The following PARD3B variants were observed in gnomAD, a reference collection of about 807,000 sequenced individuals.
PARD3B encodes the protein par-3 family cell polarity regulator beta.
In PARD3B, 103 loss-of-function variants were observed where a neutral mutation model predicts 130.2. That is an observed-to-expected ratio of 0.79 (90% CI 0.67 to 0.93). PARD3B has a LOEUF of 0.93. Ranked by LOEUF, PARD3B falls within the 40% of genes least tolerant of loss-of-function variation. The probability of loss-of-function intolerance (pLI) is 0.00; values close to 1 mark genes in which losing one functional copy is unlikely to be tolerated. For synonymous variants in PARD3B, 583 were observed against 553.2 expected (o/e 1.05, Z -0.76); for missense variants, 1,609 against 1,499.2 (o/e 1.07, Z -1.21).
chr2:204,954,183 G>A (rs1690042674), intron 2 of PARD3B, among the ~76,000 whole-genome samples: 1 of 152,170 alleles, frequency 6.6e-6, no homozygotes, highest in South Asian at 2.1e-4. Context: ...AGAAGCTAAA[G>A]GAAAAGGTTA....
At chr2:205,224,379 A>AAAAAAAAG (rs1264763454) in intron 15 of PARD3B, among the ~76,000 whole-genome samples, 3 of 148,802 alleles carry the variant, frequency 2.0e-5, no homozygotes, top group Non-Finnish European at 4.5e-5. Context: ...TCAAAAAAAA[A>AAAAAAAAG]AAAAAAAAAG....
intron 2 of PARD3B, among the ~76,000 whole-genome samples, chr2:204,698,099 C>T (rs1455867170): frequency 1.3e-5 from 2 of 152,088 alleles, no homozygotes; most frequent in Admixed American, 6.6e-5. Context: ...CAAGACCCTC[C>T]TAACTTGGAA....
chr2:205,103,056 CA>C (rs1014631275), intron 4 of PARD3B, among the ~76,000 whole-genome samples: 2 of 144,806 alleles, frequency 1.4e-5, no homozygotes, highest in Non-Finnish European at 3.0e-5. Flanking sequence ...CGACAGAGCT[CA>C]AAAAAAATAA....
chr2:205,245,522 G>T (rs905731292), intron 15 of PARD3B, among the ~76,000 whole-genome samples: 10 of 152,036 alleles, frequency 6.6e-5, no homozygotes, highest in Non-Finnish European at 1.0e-4. Flanking sequence ...TAAAATAACT[G>T]AAAGTATTGA....
chr2:205,165,126 T>C (rs2034731216), intron 11 of PARD3B, among the ~76,000 whole-genome samples: 1 of 152,178 alleles, frequency 6.6e-6, no homozygotes, highest in African/African-American at 2.4e-5. Context: ...AATTCATATA[T>C]AACATATATG....
intron 20 of PARD3B, among the ~76,000 whole-genome samples, chr2:205,469,524 T>C (rs1366010337): frequency 6.6e-6 from 1 of 152,156 alleles, no homozygotes; most frequent in Non-Finnish European, 1.5e-5. Context: ...AGGTGACTTT[T>C]TCACCCCATC....
intron 4 of PARD3B, among the ~76,000 whole-genome samples, chr2:205,100,609 C>T (rs1039771899): frequency 6.6e-6 from 1 of 152,066 alleles, no homozygotes; most frequent in Non-Finnish European, 1.5e-5. Context: ...CAATAATTGA[C>T]TGTGTCGTAC....
rs1018750817 is a variant in PARD3B, at chr2:205,183,371, G to A, written c.1925-2393G>A. ...TGTGGAAGATGGACTGAGAGGTTGA[G>A]GATAGAAGATGAGAGCCAACAGAAA... On this transcript the variant is annotated intron_variant, in intron 13 of 22. Coordinates refer to ENST00000406610, the MANE Select transcript of PARD3B (RefSeq NM_001302769.2). The surrounding 1 kb of genome is among the most constrained non-coding windows in gnomAD (Gnocchi z 5.2). Among the ~76,000 whole-genome samples the A allele has an allele frequency of 2.0e-5, 3 of 152,114 alleles. No homozygotes were observed. The highest frequency in any genetic ancestry group is 7.2e-5 in the African/African-American group (3 of 41,440).
intron 18 of PARD3B, among the ~76,000 whole-genome samples, chr2:205,391,121 C>A (rs745808456): frequency 3.9e-5 from 6 of 152,220 alleles, no homozygotes; most frequent in Admixed American, 2.0e-4. Flanking sequence ...GTCAAACGGG[C>A]AACCTCCCAC....
chr2:205,379,497 A>G (rs1307456135), intron 18 of PARD3B, among the ~76,000 whole-genome samples: 1 of 152,154 alleles, frequency 6.6e-6, no homozygotes, highest in Non-Finnish European at 1.5e-5. Flanking sequence ...AAAAAAGCAA[A>G]CATAGACTCT....
At chr2:205,219,178 C>T (rs1192810640) in intron 15 of PARD3B, among the ~76,000 whole-genome samples, 1 of 151,922 alleles carries the variant, frequency 6.6e-6, no homozygotes, top group East Asian at 1.9e-4. Context: ...CAACTTTGTT[C>T]GAGATTCTTA....
chr2:205,515,105 C>A (rs976040932), intron 21 of PARD3B, among the ~76,000 whole-genome samples: 1 of 152,066 alleles, frequency 6.6e-6, no homozygotes, highest in Admixed American at 6.6e-5. Flanking sequence ...GTTTTCTGTT[C>A]CTGCATTAGT....
At chr2:205,496,483 C>T (rs2049930324) in intron 20 of PARD3B, among the ~76,000 whole-genome samples, 3 of 152,176 alleles carry the variant, frequency 2.0e-5, no homozygotes, top group South Asian at 2.1e-4. Context: ...AAAATATTCA[C>T]ACAAGGGAGA....
chr2:205,120,694 G>A (rs2030592272), intron 7 of PARD3B, among the ~76,000 whole-genome samples: 1 of 152,178 alleles, frequency 6.6e-6, no homozygotes, highest in African/African-American at 2.4e-5. Flanking sequence ...TCCTTCAGTG[G>A]AAAAATGGGC....
intron 2 of PARD3B, among the ~76,000 whole-genome samples, chr2:204,953,907 C>G (rs372445248): frequency 6.6e-6 from 1 of 151,340 alleles, no homozygotes; most frequent in African/African-American, 2.4e-5. Context: ...AAAACTAACT[C>G]GCAAAGACTG....
At chr2:205,130,550 T>C (rs1388857430) in intron 10 of PARD3B, among the ~76,000 whole-genome samples, 1 of 152,190 alleles carries the variant, frequency 6.6e-6, no homozygotes, top group Non-Finnish European at 1.5e-5. Flanking sequence ...TATGTGCATG[T>C]CTTCTTTTTT....
intron 21 of PARD3B, among the ~76,000 whole-genome samples, chr2:205,517,079 A>G (rs2106385711): frequency 6.6e-6 from 1 of 152,240 alleles, no homozygotes; most frequent in African/African-American, 2.4e-5. Flanking sequence ...ATTGATTTTC[A>G]TACGTCGAAT....
chr2:205,185,527 T>A (rs2036046457), intron 13 of PARD3B, among the ~76,000 whole-genome samples: 1 of 151,984 alleles, frequency 6.6e-6, no homozygotes, highest in Non-Finnish European at 1.5e-5. Context: ...GTGGAGTGGG[T>A]TTGCTAGGGG....
chr2:205,136,269 C>T (rs1480908068), intron 10 of PARD3B, among the ~76,000 whole-genome samples: 1 of 152,152 alleles, frequency 6.6e-6, no homozygotes, highest in Non-Finnish European at 1.5e-5. Context: ...TCTGACCTCC[C>T]ATCGTACCTT....
Sources: gnomAD v4.1 joint callset for allele counts (sites outside exome capture counted in the v4.1 genomes callset) on GRCh38, gnomAD v4.1.1 for gene constraint, Gnocchi (gnomAD v3.1) non-coding constraint, MANE v1.5 for transcripts, NCBI Gene and HGNC (gene_info 2026-07-23, HGNC 2026-07-21) for gene names.